Variants in GRIK4 observed in about 807,000 individuals in gnomAD.
GRIK4 encodes the protein glutamate receptor ionotropic, kainate 4.
In GRIK4, 40 loss-of-function variants were observed where a neutral mutation model predicts 104.9. The ratio of observed to expected loss-of-function variants is 0.38; its 90% CI spans 0.30 to 0.50. The LOEUF is 0.50. GRIK4 is among the 20% of genes least tolerant of loss of function. GRIK4 has a pLI of 0.93. For missense variants in GRIK4, 1,047 were observed against 1,308.1 expected (o/e 0.80, Z 3.08); for synonymous variants, 485 against 524.9 (o/e 0.92, Z 1.04).
intron 1 of GRIK4, among the ~76,000 whole-genome samples, chr11:120,631,926 G>T (rs1565581889): frequency 6.6e-6 from 1 of 152,156 alleles, no homozygotes; most frequent in Non-Finnish European, 1.5e-5. Flanking sequence ...TTGGAGTCAG[G>T]TGATCCCAGG....
chr11:120,711,499 A>G (rs1027119230), intron 3 of GRIK4, among the ~76,000 whole-genome samples: 12 of 152,288 alleles, frequency 7.9e-5, no homozygotes, highest in African/African-American at 2.4e-4. Context: ...GGCATGGGTC[A>G]TGCTTCTCTT....
intron 3 of GRIK4, among the ~76,000 whole-genome samples, chr11:120,735,715 C>G (rs933633133): frequency 6.6e-6 from 1 of 151,604 alleles, no homozygotes; most frequent in African/African-American, 2.4e-5. Flanking sequence ...TAGAAATCTA[C>G]CTGGTGTTCT....
chr11:120,624,420 A>G (rs987691335), intron 1 of GRIK4, among the ~76,000 whole-genome samples: 14 of 151,776 alleles, frequency 9.2e-5, no homozygotes, highest in Admixed American at 2.6e-4. Flanking sequence ...CTCTAGCTGA[A>G]TTTTTCTTTG....
At chr11:120,832,175 T>A (rs1953448340) in intron 7 of GRIK4, 145 bp downstream of exon 7, 3 of 563,412 alleles carry the variant, frequency 5.3e-6, no homozygotes, top group South Asian at 5.8e-5. Context: ...CTGTTTTCAA[T>A]GAGCGGTTCC....
At chr11:120,615,017 AAAC>A (rs1565574720) in intron 1 of GRIK4, among the ~76,000 whole-genome samples, 6 of 151,250 alleles carry the variant, frequency 4.0e-5, no homozygotes, top group Admixed American at 6.5e-5. Flanking sequence ...ACAAAACAAA[AAAC>A]AAAACAAACA....
chr11:120,874,752 G>T (rs1385691686), intron 10 of GRIK4, among the ~76,000 whole-genome samples: 1 of 152,198 alleles, frequency 6.6e-6, no homozygotes, highest in East Asian at 1.9e-4. Flanking sequence ...GAGTTAGGTG[G>T]AGAGTCATCC....
chr11:120,580,731 G>T (rs1227626957), intron 1 of GRIK4, among the ~76,000 whole-genome samples: 1 of 152,174 alleles, frequency 6.6e-6, no homozygotes, highest in Non-Finnish European at 1.5e-5. Flanking sequence ...ACTGCACCCG[G>T]TTTTGAGTAC....
chr11:120,900,326 G>A (rs993163089), intron 12 of GRIK4, among the ~76,000 whole-genome samples: 1 of 152,214 alleles, frequency 6.6e-6, no homozygotes, highest in Non-Finnish European at 1.5e-5. Flanking sequence ...GAACTTGAAT[G>A]CCAGGCTACT....
At chr11:120,611,546 AT>A (rs1949038156) in intron 1 of GRIK4, among the ~76,000 whole-genome samples, 2 of 152,126 alleles carry the variant, frequency 1.3e-5, no homozygotes, top group Admixed American at 1.3e-4. Flanking sequence ...TATCATCATG[AT>A]TTGCTTTCAC....
chr11:120,630,237 C>T (rs1341906585), intron 1 of GRIK4, among the ~76,000 whole-genome samples: 2 of 152,250 alleles, frequency 1.3e-5, no homozygotes, highest in Admixed American at 1.3e-4. Context: ...GCAGAAGGCC[C>T]CATGGCCCAG....
chr11:120,964,390 T>TCTGTGAA (rs1944348017), intron 18 of GRIK4, among the ~76,000 whole-genome samples: 1 of 152,204 alleles, frequency 6.6e-6, no homozygotes, highest in Non-Finnish European at 1.5e-5. Context: ...CACTAGGAGT[T>TCTGTGAA]CTGTGAACTG....
intron 1 of GRIK4, among the ~76,000 whole-genome samples, chr11:120,647,598 C>T (rs1949560360): frequency 6.6e-6 from 1 of 152,248 alleles, no homozygotes; most frequent in South Asian, 2.1e-4. Context: ...CTTGCTTTCC[C>T]CAGCACTTAC....
intron 1 of GRIK4, among the ~76,000 whole-genome samples, chr11:120,598,929 G>A (rs940131315): frequency 2.6e-5 from 4 of 152,246 alleles, no homozygotes; most frequent in African/African-American, 9.6e-5. Context: ...TCAAGGGATG[G>A]ATAATGGACT....
At chr11:120,808,566 AT>A (rs1952763803) in intron 4 of GRIK4, among the ~76,000 whole-genome samples, 1 of 152,180 alleles carries the variant, frequency 6.6e-6, no homozygotes. Context: ...GGGGCCCGTC[AT>A]GGGGCGTGGC....
intron 8 of GRIK4, 124 bp downstream of exon 8, chr11:120,836,968 C>A: frequency 1.5e-6 from 1 of 646,952 alleles, no homozygotes; most frequent in Non-Finnish European, 2.7e-6. Flanking sequence ...GGAGCAGAAG[C>A]CAACCAGAGA....
At position 120,967,456 on chromosome 11, in the gene GRIK4, A is replaced by C; in HGVS notation, c.2395+133A>C. The C allele has an allele frequency of 1.1e-6, 1 of 903,490 alleles. No homozygotes were observed. Among genetic ancestry groups the C allele is most frequent in the Non-Finnish European group, 1.6e-6 (1 of 619,956 alleles). The allele number at this position is 903,490 out of a possible 1,614,324, so 56.0% of individuals were successfully genotyped here. ...CGGCCTTGGAAGGAACCTAGGTATA[A>C]AGTGGGCTGGCGGGGGATCAGGTCT... On this transcript the variant is annotated intron_variant, in intron 19 of 20. Coordinates refer to ENST00000527524, the MANE Select transcript of GRIK4 (RefSeq NM_014619.5). The surrounding 1 kb of genome is among the most constrained non-coding windows in gnomAD (Gnocchi z 4.2).
chr11:120,619,058 A>G (rs2135160856), intron 1 of GRIK4, among the ~76,000 whole-genome samples: 1 of 152,308 alleles, frequency 6.6e-6, no homozygotes, highest in Admixed American at 6.5e-5. Flanking sequence ...GCAGGCACTC[A>G]ACGCCAGCCC....
At chr11:120,547,862 T>C (rs1297132134) in intron 1 of GRIK4, among the ~76,000 whole-genome samples, 1 of 152,220 alleles carries the variant, frequency 6.6e-6, no homozygotes, top group African/African-American at 2.4e-5. Flanking sequence ...AAGAGCCCTG[T>C]TAGAGCTTTA....
chr11:120,605,767 A>G (rs1268500761), intron 1 of GRIK4, among the ~76,000 whole-genome samples: 1 of 152,238 alleles, frequency 6.6e-6, no homozygotes, highest in Non-Finnish European at 1.5e-5. Context: ...AGGTGGCACA[A>G]GCTTGCCGTG....
Sources: gnomAD v4.1 joint callset for allele counts (sites outside exome capture counted in the v4.1 genomes callset) on GRCh38, gnomAD v4.1.1 for gene constraint, Gnocchi (gnomAD v3.1) non-coding constraint, MANE v1.5 for transcripts, NCBI Gene and HGNC (gene_info 2026-07-23, HGNC 2026-07-21) for gene names.